Variants in IL1RAPL2 observed in about 807,000 individuals in gnomAD.
IL1RAPL2 encodes the protein interleukin 1 receptor accessory protein like 2.
In IL1RAPL2, 3 loss-of-function variants were observed where a neutral mutation model predicts 44.1. The observed-to-expected ratio is 0.07, with a 90% CI of 0.03 to 0.18. The LOEUF is 0.18. Ranked by LOEUF, IL1RAPL2 falls within the 10% of genes least tolerant of loss-of-function variation. The pLI is 1.00. For missense variants in IL1RAPL2, 391 were observed against 496.4 expected (o/e 0.79, Z 2.02); for synonymous variants, 181 against 178.8 (o/e 1.01, Z -0.10).
At chrX:105,094,592 T>C (rs1408519637) in intron 2 of IL1RAPL2, among the ~76,000 whole-genome samples, 1 of 111,592 alleles carries the variant, frequency 9.0e-6, no homozygotes. Context: ...TTACTATAGC[T>C]TTGTAAGTTG....
intron 2 of IL1RAPL2, among the ~76,000 whole-genome samples, chrX:104,904,396 C>T (rs1264552955): frequency 9.4e-6 from 1 of 106,269 alleles, no homozygotes; most frequent in African/African-American, 3.4e-5. Flanking sequence ...TGGTGCGCTG[C>T]ACCCACTAAC....
chrX:105,230,190 G>T (rs1666931055), intron 3 of IL1RAPL2, among the ~76,000 whole-genome samples: 1 of 111,504 alleles, frequency 9.0e-6, no homozygotes, highest in Non-Finnish European at 1.9e-5. Flanking sequence ...GTGCCTGGAA[G>T]TTCCTTCCTG....
At chrX:105,313,158 G>T (rs1471725041) in intron 5 of IL1RAPL2, among the ~76,000 whole-genome samples, 1 of 111,648 alleles carries the variant, frequency 9.0e-6, no homozygotes, top group Non-Finnish European at 1.9e-5. Context: ...GTACTCCTGG[G>T]AATGGAATAG....
At chrX:104,706,314 G>A (rs1470866577) in intron 2 of IL1RAPL2, among the ~76,000 whole-genome samples, 1 of 111,946 alleles carries the variant, frequency 8.9e-6, no homozygotes, top group Non-Finnish European at 1.9e-5. Flanking sequence ...TTAGCTCCTC[G>A]CAGATTACAG....
intron 2 of IL1RAPL2, among the ~76,000 whole-genome samples, chrX:104,918,403 G>A (rs907322191): frequency 1.8e-5 from 2 of 111,394 alleles, no homozygotes; most frequent in African/African-American, 6.5e-5. Flanking sequence ...CATAATCATG[G>A]CATGTTAACT....
intron 2 of IL1RAPL2, among the ~76,000 whole-genome samples, chrX:104,921,584 C>G (rs1924642678): frequency 8.9e-6 from 1 of 112,277 alleles, no homozygotes; most frequent in Admixed American, 9.4e-5. Context: ...CCCAGTTTCC[C>G]AGGACTTGAG....
chrX:104,946,410 C>CAAAAAAAACTT (rs1925363983), intron 2 of IL1RAPL2, among the ~76,000 whole-genome samples: 1 of 20,973 alleles, frequency 4.8e-5, no homozygotes, highest in Non-Finnish European at 1.0e-4. Flanking sequence ...AAAAAAAAAA[C>CAAAAAAAACTT]TTTTTAAAAA....
chrX:105,347,445 A>G (rs1488636564), intron 5 of IL1RAPL2, among the ~76,000 whole-genome samples: 1 of 111,564 alleles, frequency 9.0e-6, no homozygotes, highest in African/African-American at 3.3e-5. Flanking sequence ...AGGTAATGTA[A>G]TAAAGAGCTT....
intron 3 of IL1RAPL2, among the ~76,000 whole-genome samples, chrX:105,200,915 C>CCACACACACA (rs61216729): frequency 0.011 from 1,189 of 104,337 alleles, 23 homozygotes; most frequent in African/African-American, 0.04. Flanking sequence ...CGTTTCACAC[C>CCACACACACA]CACACACACA....
intron 5 of IL1RAPL2, among the ~76,000 whole-genome samples, chrX:105,393,313 G>A (rs1336301515): frequency 9.0e-6 from 1 of 110,815 alleles, no homozygotes; most frequent in East Asian, 2.8e-4. Context: ...CTACCTCTGG[G>A]TGGGATCAGT....
intron 6 of IL1RAPL2, among the ~76,000 whole-genome samples, chrX:105,640,986 A>G (rs1431767951): frequency 9.2e-6 from 1 of 108,905 alleles, no homozygotes; most frequent in Non-Finnish European, 1.9e-5. Flanking sequence ...AAGGGAATTG[A>G]TGACTGAGTA....
chrX:105,105,891 C>T (rs1313011121), intron 2 of IL1RAPL2, among the ~76,000 whole-genome samples: 1 of 111,778 alleles, frequency 8.9e-6, no homozygotes, highest in Non-Finnish European at 1.9e-5. Flanking sequence ...AAATTCTCCT[C>T]ATCCTGAAAA....
chrX:104,709,425 G>T (rs958827682), intron 2 of IL1RAPL2, among the ~76,000 whole-genome samples: 1 of 110,369 alleles, frequency 9.1e-6, no homozygotes, highest in African/African-American at 3.3e-5. Flanking sequence ...TTCACACCTC[G>T]CTTGAATGGT....
chrX:105,298,612 T>G (rs1004044327), intron 5 of IL1RAPL2, among the ~76,000 whole-genome samples: 12 of 110,228 alleles, frequency 1.1e-4, no homozygotes, highest in African/African-American at 4.0e-4. Flanking sequence ...ATATGGAGTT[T>G]GGAGAGAAGT....
At chrX:105,592,124 A>G (rs772268631) in intron 6 of IL1RAPL2, among the ~76,000 whole-genome samples, 1 of 111,743 alleles carries the variant, frequency 8.9e-6, no homozygotes, top group East Asian at 2.8e-4. Context: ...CAAATTTAGG[A>G]TCTTTATGTC....
At chrX:105,174,683 T>C (rs1477011662) in intron 2 of IL1RAPL2, among the ~76,000 whole-genome samples, 1 of 111,747 alleles carries the variant, frequency 8.9e-6, no homozygotes, top group East Asian at 2.8e-4. Context: ...CAAGATGCTT[T>C]TGGCCTGAGC....
intron 2 of IL1RAPL2, among the ~76,000 whole-genome samples, chrX:105,001,545 C>T (rs1350243063): frequency 9.0e-6 from 1 of 111,482 alleles, no homozygotes; most frequent in Non-Finnish European, 1.9e-5. Context: ...GGTCTGTCTT[C>T]CCTGTATTTG....
intron 7 of IL1RAPL2, among the ~76,000 whole-genome samples, chrX:105,728,961 A>G (rs1368837294): frequency 3.6e-5 from 4 of 110,904 alleles, no homozygotes; most frequent in Admixed American, 9.6e-5. Context: ...CCAAAATGTC[A>G]TACGTTTGGA....
chrX:104,603,589 C>T (rs1308090244), intron 1 of IL1RAPL2, among the ~76,000 whole-genome samples: 4 of 111,633 alleles, frequency 3.6e-5, no homozygotes, highest in African/African-American at 9.8e-5. Context: ...ACTAGAATAA[C>T]CAGTGTAGAG....
Sources: allele counts gnomAD v4.1 joint callset (sites outside exome capture counted in the v4.1 genomes callset), GRCh38; gene constraint gnomAD v4.1.1; transcripts MANE v1.5; gene names NCBI Gene and HGNC (gene_info 2026-07-23, HGNC 2026-07-21).